The following PATJ variants were observed in gnomAD, a reference collection of about 807,000 sequenced individuals.
The protein encoded by PATJ is inaD-like protein.
Under a neutral mutation model 224.9 loss-of-function variants are expected in PATJ, and 190 were observed. That is an observed-to-expected ratio of 0.84 (90% CI 0.75 to 0.95). The LOEUF (loss-of-function observed/expected upper bound fraction) is 0.95. Among genes scored for constraint, PATJ ranks in the 40% least tolerant of loss-of-function variants. PATJ has a pLI of 0.00. For missense variants in PATJ, 2,121 were observed against 2,270.3 expected, an observed-to-expected ratio of 0.93 and a Z score of 1.34; for synonymous variants, 769 against 820.3, an observed-to-expected ratio of 0.94 and a Z score of 1.07.
intron 22 of PATJ, among the ~76,000 whole-genome samples, chr1:61,886,830 A>G: frequency 7.3e-6 from 1 of 137,832 alleles, no homozygotes; most frequent in East Asian, 2.0e-4. Flanking sequence ...AAAAAAAAAA[A>G]ATTAGCCTGT....
At chr1:61,880,571 C>T (rs1557810857) in intron 21 of PATJ, among the ~76,000 whole-genome samples, 1 of 151,874 alleles carries the variant, frequency 6.6e-6, no homozygotes. Flanking sequence ...TTTTTAAATC[C>T]GTAGAAGGTA....
At chr1:61,985,440 T>C (rs1041925517) in intron 27 of PATJ, among the ~76,000 whole-genome samples, 3 of 152,154 alleles carry the variant, frequency 2.0e-5, no homozygotes, top group Admixed American at 2.0e-4. Flanking sequence ...CTTTTTTAAA[T>C]TGTGGTAAAA....
chr1:62,120,925 G>A, intron 37 of PATJ: 1 of 398,176 alleles, frequency 2.5e-6, no homozygotes, highest in Non-Finnish European at 4.4e-6. Flanking sequence ...TGATTCTATG[G>A]TCTCCACCTT....
intron 31 of PATJ, among the ~76,000 whole-genome samples, chr1:62,075,844 A>G (rs1475748955): frequency 6.6e-6 from 1 of 151,456 alleles, no homozygotes; most frequent in Admixed American, 6.6e-5. Context: ...TGTGAACCCG[A>G]GAGGCAGAGC....
In PATJ at chr1:61,744,205, G is replaced by A. The variant is rs149525200; in HGVS notation, c.-36+1650G>A. On this transcript the variant is annotated intron_variant, in intron 1 of 43. Transcript: ENST00000642238. ...AGGTTGAGGCAGGGGAATTGCTTGAGCCCAGGAGATGGAGGCTGTGGTGAG... is the reference window on the plus strand; with the variant it reads ...AGGTTGAGGCAGGGGAATTGCTTGAACCCAGGAGATGGAGGCTGTGGTGAG... Among the ~76,000 whole-genome samples the A allele has an allele frequency of 1.6e-3, 210 of 131,812 alleles. 1 individual carries two copies. The highest frequency in any genetic ancestry group is 5.4e-3 in the African/African-American group (191 of 35,172). The allele number at this position is 131,812 out of a possible 152,430, so 86.5% of individuals were successfully genotyped here. A position where few individuals can be genotyped will look rare whatever the true frequency, so the allele number is the denominator to read the frequency against.
At chr1:61,939,422 GTA>G (rs1479579756) in intron 27 of PATJ, among the ~76,000 whole-genome samples, 2 of 151,180 alleles carry the variant, frequency 1.3e-5, no homozygotes, top group African/African-American at 4.9e-5. Flanking sequence ...AGATCAGGCA[GTA>G]TTTAACAAAA....
chr1:61,870,371 C>T (rs1294681453), intron 20 of PATJ, among the ~76,000 whole-genome samples: 1 of 152,144 alleles, frequency 6.6e-6, no homozygotes, highest in East Asian at 1.9e-4. Context: ...CCCTGACATC[C>T]AGCTGCTTCT....
chr1:62,094,035 A>C (rs1347192762), intron 33 of PATJ, among the ~76,000 whole-genome samples: 1 of 152,186 alleles, frequency 6.6e-6, no homozygotes, highest in East Asian at 1.9e-4. Context: ...TTACCTGTAA[A>C]TATATGTAAT....
chr1:61,966,810 T>A (rs891654273), intron 27 of PATJ, among the ~76,000 whole-genome samples: 1 of 152,170 alleles, frequency 6.6e-6, no homozygotes, highest in Non-Finnish European at 1.5e-5. Context: ...AAGAGGTGGA[T>A]GCCTTCCCTT....
At chr1:61,863,175 C>T (rs1664903408) in intron 19 of PATJ, among the ~76,000 whole-genome samples, 1 of 151,976 alleles carries the variant, frequency 6.6e-6, no homozygotes. Context: ...GCTGGCACCA[C>T]AGGCGCATGC....
intron 14 of PATJ, among the ~76,000 whole-genome samples, chr1:61,812,468 G>GTGTGTGTGTGTGTGTGTGTGT (rs1213546488): frequency 6.8e-5 from 10 of 147,614 alleles, no homozygotes; most frequent in Non-Finnish European, 1.1e-4. Context: ...GTGTGTGTGT[G>GTGTGTGTGTGTGTGTGTGTGT]GTGGTATTGG....
intron 29 of PATJ, among the ~76,000 whole-genome samples, chr1:62,023,090 G>A (rs1213949938): frequency 1.3e-5 from 2 of 152,122 alleles, no homozygotes; most frequent in Non-Finnish European, 2.9e-5. Context: ...AGGAGTTCCA[G>A]ACCAGCCTAA....
intron 17 of PATJ, among the ~76,000 whole-genome samples, chr1:61,845,726 A>G (rs1214665566): frequency 6.6e-6 from 1 of 152,206 alleles, no homozygotes; most frequent in Non-Finnish European, 1.5e-5. Flanking sequence ...AAAACACTGC[A>G]GAATCTTTTC....
intron 22 of PATJ, among the ~76,000 whole-genome samples, chr1:61,898,386 G>C (rs2482872): frequency 0.24 from 36,006 of 151,638 alleles, 4,921 homozygotes; most frequent in African/African-American, 0.37. Context: ...GATTACAGGT[G>C]TACCACCATG....
chr1:61,827,969 G>A (rs781179835), intron 16 of PATJ, among the ~76,000 whole-genome samples: 16 of 152,090 alleles, frequency 1.1e-4, no homozygotes, highest in African/African-American at 2.4e-4. Context: ...AAACTCAGCC[G>A]GGCGCGGTGG....
intron 13 of PATJ, among the ~76,000 whole-genome samples, chr1:61,807,665 G>A (rs958617855): frequency 1.3e-5 from 2 of 152,188 alleles, no homozygotes; most frequent in African/African-American, 4.8e-5. Context: ...TAGGCATGAT[G>A]GAGAATGAAT....
rs570851878 is a variant in PATJ at position 62,133,802 on chromosome 1, A to G, written c.5271+4857A>G. ...CGCTCTGAAGCCCAGGCTGGAGTGC[A>G]GTGGCACAATCTCGGCTCCACTGAG... On this transcript the variant is annotated intron_variant, in intron 41 of 43. Transcript: ENST00000642238. Among the ~76,000 whole-genome samples, 4 of 143,492 alleles carry G rather than the reference A, an allele frequency of 2.8e-5. No individual in the cohort carries two copies. In the South Asian group the frequency reaches 6.7e-4, roughly 24 times the overall value. The allele number at this position is 143,492 out of a possible 152,430, so 94.1% of individuals were successfully genotyped here.
chr1:61,844,274 T>C (rs954719957), intron 17 of PATJ, among the ~76,000 whole-genome samples: 6 of 152,250 alleles, frequency 3.9e-5, no homozygotes, highest in Admixed American at 3.3e-4. Context: ...TAACCCAGAA[T>C]TAATAAGTTA....
chr1:62,036,899 AAGGGAGGG>A (rs1428556210), intron 29 of PATJ, among the ~76,000 whole-genome samples: 67 of 136,244 alleles, frequency 4.9e-4, no homozygotes, highest in African/African-American at 1.7e-3. Flanking sequence ...GAAAGGAAGG[AAGGGAGGG>A]AGGGAGGAAG....
Sources: gnomAD v4.1 joint callset for allele counts (sites outside exome capture counted in the v4.1 genomes callset) on GRCh38, gnomAD v4.1.1 for gene constraint, MANE v1.5 for transcripts, NCBI Gene and HGNC (gene_info 2026-07-23, HGNC 2026-07-21) for gene names.